The following CNTN5 variants were observed in gnomAD, a reference collection of about 807,000 sequenced individuals.
The protein encoded by CNTN5 is contactin-5.
CNTN5 carries 77 observed loss-of-function variants against 129.1 expected under a neutral mutation model. That is an observed-to-expected ratio of 0.60 (90% CI 0.50 to 0.72). The LOEUF is 0.72. Among genes scored for constraint, CNTN5 ranks in the 30% least tolerant of loss-of-function variants. The pLI, the probability that CNTN5 is intolerant of heterozygous loss-of-function variation, is 0.00. For missense variants in CNTN5, 1,478 were observed against 1,328.8 expected, an observed-to-expected ratio of 1.11 and a Z score of -1.75; for synonymous variants, 509 against 465.6, an observed-to-expected ratio of 1.09 and a Z score of -1.20.
intron 2 of CNTN5, among the ~76,000 whole-genome samples, chr11:99,528,900 C>T (rs1947590071): frequency 1.2e-5 from 1 of 83,922 alleles, no homozygotes; most frequent in East Asian, 2.2e-4. Flanking sequence ...CCCGTTTCTA[C>T]TAAAAAAAAA....
intron 7 of CNTN5, among the ~76,000 whole-genome samples, chr11:99,924,387 A>G (rs936955105): frequency 3.3e-5 from 5 of 152,172 alleles, no homozygotes; most frequent in Admixed American, 6.5e-5. Context: ...TCTTATATTT[A>G]AGTATGTAAT....
chr11:100,355,302 C>A (rs1167482919), intron 24 of CNTN5, among the ~76,000 whole-genome samples: 1 of 151,682 alleles, frequency 6.6e-6, no homozygotes, highest in African/African-American at 2.4e-5. Flanking sequence ...TATCAGTCTT[C>A]CATCTCCACA....
rs1947023972 is a variant in CNTN5, at chr11:99,828,080, C to G, written c.277+8315C>G. Reference sequence around the variant, plus strand: ...GATAAGTATGATTGTATAGCACATTCATATGTATTATACTTTCTATTTGAA... The same window carrying G: ...GATAAGTATGATTGTATAGCACATTGATATGTATTATACTTTCTATTTGAA... On this transcript the variant is annotated intron_variant, in intron 4 of 24. Coordinates refer to ENST00000524871, the MANE Select transcript of CNTN5 (RefSeq NM_014361.4). Among the ~76,000 whole-genome samples, 4 of 152,070 alleles carry G rather than the reference C, an allele frequency of 2.6e-5. No individual in the cohort carries two copies. The South Asian group carries it at 6.2e-4, about 24-fold the overall frequency.
chr11:100,182,395 A>C (rs1338192367), intron 13 of CNTN5, among the ~76,000 whole-genome samples: 1 of 152,018 alleles, frequency 6.6e-6, no homozygotes, highest in Non-Finnish European at 1.5e-5. Flanking sequence ...GAGCAGAGAG[A>C]GAGAGAAAAC....
In CNTN5 at chr11:99,795,608, A is replaced by G. The variant is rs1032466790; in HGVS notation, c.56-23936A>G. On this transcript the variant is annotated intron_variant, in intron 3 of 24. Transcript: ENST00000524871. Reference sequence around the variant, plus strand: ...TAGATCTTTTTTTTTTTTTGTATTTATCTTCCTTGTGTTCTTTAAATCATA... The same window carrying G: ...TAGATCTTTTTTTTTTTTTGTATTTGTCTTCCTTGTGTTCTTTAAATCATA... Among the ~76,000 whole-genome samples, 4 of 104,486 alleles carry G rather than the reference A, an allele frequency of 3.8e-5. No homozygotes were observed. In the East Asian group the frequency reaches 1.3e-3, roughly 34 times the overall value. The allele number at this position is 104,486 out of a possible 152,430, so 68.5% of individuals were successfully genotyped here.
intron 1 of CNTN5, among the ~76,000 whole-genome samples, chr11:99,109,732 T>C (rs1471163094): frequency 6.6e-6 from 1 of 152,156 alleles, no homozygotes; most frequent in Non-Finnish European, 1.5e-5. Flanking sequence ...TGGCTTCCAG[T>C]AAAACATAGT....
At chr11:99,023,982 A>T (rs185257425) in intron 1 of CNTN5, among the ~76,000 whole-genome samples, 1 of 152,164 alleles carries the variant, frequency 6.6e-6, no homozygotes, top group African/African-American at 2.4e-5. Context: ...GGCTGTGCTA[A>T]CATGTTACAT....
intron 2 of CNTN5, among the ~76,000 whole-genome samples, chr11:99,541,002 T>C (rs1948086387): frequency 6.6e-6 from 1 of 152,086 alleles, no homozygotes; most frequent in African/African-American, 2.4e-5. Context: ...GCAAAAACAC[T>C]ACCCTTTAAT....
chr11:99,812,112 A>G (rs1193433122), intron 3 of CNTN5, among the ~76,000 whole-genome samples: 1 of 152,146 alleles, frequency 6.6e-6, no homozygotes, highest in Non-Finnish European at 1.5e-5. Flanking sequence ...TTCCTTTCAA[A>G]CCCTGAACAG....
intron 6 of CNTN5, among the ~76,000 whole-genome samples, chr11:99,912,194 A>G (rs549528500): frequency 1.3e-5 from 2 of 152,076 alleles, no homozygotes; most frequent in African/African-American, 4.8e-5. Flanking sequence ...AAGGGAAGAA[A>G]AAAGGAAGGA....
chr11:99,150,964 G>C (rs1011220289), intron 1 of CNTN5, among the ~76,000 whole-genome samples: 1 of 151,624 alleles, frequency 6.6e-6, no homozygotes, highest in African/African-American at 2.4e-5. Flanking sequence ...ATGAAACAAA[G>C]TAAGTGTGAG....
intron 2 of CNTN5, among the ~76,000 whole-genome samples, chr11:99,361,854 A>G (rs1422583824): frequency 6.6e-6 from 1 of 152,094 alleles, no homozygotes; most frequent in African/African-American, 2.4e-5. Flanking sequence ...ATTCCATTGT[A>G]TGTATATACC....
intron 9 of CNTN5, among the ~76,000 whole-genome samples, chr11:100,016,103 T>C (rs1474038191): frequency 2.6e-5 from 4 of 152,086 alleles, no homozygotes; most frequent in African/African-American, 9.7e-5. Flanking sequence ...GAAGACCATA[T>C]ATACAATTTA....
At chr11:99,781,532 A>G (rs1480696792) in intron 3 of CNTN5, among the ~76,000 whole-genome samples, 1 of 151,876 alleles carries the variant, frequency 6.6e-6, no homozygotes, top group African/African-American at 2.4e-5. Flanking sequence ...TTATTTTTGC[A>G]TTGCCTTGTA....
intron 6 of CNTN5, among the ~76,000 whole-genome samples, chr11:99,847,814 G>A (rs943792353): frequency 6.6e-6 from 1 of 152,088 alleles, no homozygotes; most frequent in South Asian, 2.1e-4. Flanking sequence ...ACTCAGAATC[G>A]TTCAAAGATT....
intron 2 of CNTN5, among the ~76,000 whole-genome samples, chr11:99,400,473 T>C: frequency 6.6e-6 from 1 of 152,158 alleles, no homozygotes; most frequent in East Asian, 1.9e-4. Context: ...CAATCATCTG[T>C]TGATGGACAC....
At chr11:99,028,662 A>C (rs1474077798) in intron 1 of CNTN5, among the ~76,000 whole-genome samples, 1 of 151,828 alleles carries the variant, frequency 6.6e-6, no homozygotes, top group Non-Finnish European at 1.5e-5. Flanking sequence ...TGCTAACTTT[A>C]ATATCTCAGA....
At chr11:99,124,718 A>C (rs775004737) in intron 1 of CNTN5, among the ~76,000 whole-genome samples, 1 of 151,904 alleles carries the variant, frequency 6.6e-6, no homozygotes, top group Non-Finnish European at 1.5e-5. Flanking sequence ...AGTGCTAGCT[A>C]GAGTAATAAG....
intron 2 of CNTN5, among the ~76,000 whole-genome samples, chr11:99,554,801 A>G (rs1457823652): frequency 6.6e-6 from 1 of 151,964 alleles, no homozygotes; most frequent in Non-Finnish European, 1.5e-5. Flanking sequence ...GGATTTTATT[A>G]TTTTCCTTTC....
Sources: allele counts gnomAD v4.1 joint callset (sites outside exome capture counted in the v4.1 genomes callset), GRCh38; gene constraint gnomAD v4.1.1; transcripts MANE v1.5; gene names NCBI Gene and HGNC (gene_info 2026-07-23, HGNC 2026-07-21).